TMCO6: variants seen among roughly 807,000 people sequenced by gnomAD.
TMCO6 encodes the protein transmembrane and coiled-coil domain-containing protein 6.
TMCO6 carries 47 observed loss-of-function variants against 61.8 expected under a neutral mutation model. The ratio of observed to expected loss-of-function variants is 0.76; its 90% CI spans 0.60 to 0.97. The LOEUF (loss-of-function observed/expected upper bound fraction) is 0.97. TMCO6 is among the 50% of genes least tolerant of loss of function. TMCO6 has a pLI of 0.00. For missense variants in TMCO6, 557 were observed against 601.6 expected (o/e 0.93, Z 0.78); for synonymous variants, 261 against 254.2 (o/e 1.03, Z -0.25).
the TMCO6 span, among the ~76,000 whole-genome samples, chr5:140,629,304 T>TA: frequency 2.4e-4 from 36 of 148,812 alleles, 1 homozygote; most frequent in South Asian, 2.1e-3. Flanking sequence ...CCCAAAAAAC[T>TA]AAAAAAAATA....
chr5:140,642,777 G>T (rs1757121690), intron 6 of TMCO6, 106 bp downstream of exon 6: 4 of 1,582,696 alleles, frequency 2.5e-6, no homozygotes, highest in Non-Finnish European at 3.5e-6. Flanking sequence ...TTAAATTCAT[G>T]TGTCTGGCTA....
chr5:140,646,301 G>T (rs543839584), downstream of TMCO6, among the ~76,000 whole-genome samples: 1 of 152,134 alleles, frequency 6.6e-6, no homozygotes, highest in South Asian at 2.1e-4. Context: ...GTGAACCACC[G>T]CACCCAGCTG....
chr5:140,629,822 A>G, the TMCO6 span, among the ~76,000 whole-genome samples: 2 of 151,618 alleles, frequency 1.3e-5, no homozygotes, highest in African/African-American at 2.4e-5. Context: ...AATCCCAGCT[A>G]CTTGGGAGGC....
At chr5:140,637,974 CCTTTCTTT>C (rs202156970), upstream of TMCO6, among the ~76,000 whole-genome samples, 402 of 150,520 alleles carry the variant, frequency 2.7e-3, 1 homozygote, top group African/African-American at 9.3e-3. Context: ...TTCTTTTCTC[CCTTTCTTT>C]CTTTCTTTCT....
At chr5:140,605,679 CAA>C in the TMCO6 span, among the ~76,000 whole-genome samples, 11 of 136,894 alleles carry the variant, frequency 8.0e-5, no homozygotes, top group African/African-American at 2.8e-4. Flanking sequence ...GACTCTGTCT[CAA>C]AAAAAAACAA....
At chr5:140,632,662 C>T in the TMCO6 span, 1 of 1,613,836 alleles carries the variant, frequency 6.2e-7, no homozygotes, top group Non-Finnish European at 8.5e-7. The surrounding 1 kb of genome is among the most constrained non-coding windows in gnomAD (Gnocchi z 6.2). Flanking sequence ...CGCAGGGCGC[C>T]TACCAGTAGC....
At chr5:140,631,878 T>TG in the TMCO6 span, 1 of 1,573,308 alleles carries the variant, frequency 6.4e-7, no homozygotes, top group South Asian at 1.2e-5. Flanking sequence ...CCGGGCCCCT[T>TG]GGAGCAGCAC....
the TMCO6 span, among the ~76,000 whole-genome samples, chr5:140,613,881 A>G: frequency 6.8e-6 from 1 of 147,856 alleles, no homozygotes; most frequent in African/African-American, 2.5e-5. Flanking sequence ...CTCATCTCTC[A>G]TCGTTTTTTT....
chr5:140,631,620 T>G, the TMCO6 span: 1 of 423,390 alleles, frequency 2.4e-6, no homozygotes, highest in Non-Finnish European at 4.2e-6. Flanking sequence ...AGATAGGGTT[T>G]CTTAGGGAGT....
At chr5:140,601,548 T>C in the TMCO6 span, among the ~76,000 whole-genome samples, 1 of 152,204 alleles carries the variant, frequency 6.6e-6, no homozygotes, top group African/African-American at 2.4e-5. Context: ...CCCATTCACG[T>C]CAGCCTTATT....
rs372797031 is a variant in TMCO6, at chr5:140,639,632, C to T, written c.85+20C>T. 700 of 1,539,222 alleles carry T rather than the reference C, an allele frequency of 4.5e-4. 2 individuals are homozygous for T. Among genetic ancestry groups the T allele is most frequent in the Non-Finnish European group, 3.6e-4 (416 of 1,140,652 alleles). On this transcript the variant is annotated intron_variant, in intron 1 of 11. Transcript: ENST00000394671. ...AGGCAGGTGTGGGCGGCCGAGGGAG[C>T]GCGGGGGTATATGGCGGTCGGGGAT...
At chr5:140,598,711 G>C in the TMCO6 span, among the ~76,000 whole-genome samples, 3 of 152,186 alleles carry the variant, frequency 2.0e-5, no homozygotes, top group Non-Finnish European at 4.4e-5. Flanking sequence ...AAGGCAGATG[G>C]ATCACCTGAG....
chr5:140,633,047 G>C, the TMCO6 span: 50 of 1,614,060 alleles, frequency 3.1e-5, no homozygotes, highest in Admixed American at 8.2e-4. Context: ...GCACGCGTTC[G>C]ACCCCAAGAC....
At chr5:140,631,764 A>T in the TMCO6 span, 2,620 of 1,186,312 alleles carry the variant, frequency 2.2e-3, 35 homozygotes, top group African/African-American at 0.035. Context: ...GGTGGGGCAA[A>T]GGGTTGAATT....
At chr5:140,632,128 C>A in the TMCO6 span, 6 of 1,614,058 alleles carry the variant, frequency 3.7e-6, no homozygotes, top group African/African-American at 8.0e-5. This position sits in a 1 kb window ranked among gnomAD's most constrained non-coding sequence, Gnocchi z 6.2. Flanking sequence ...TCCAGCCCAG[C>A]GAACGACAGA....
the TMCO6 span, among the ~76,000 whole-genome samples, chr5:140,603,836 C>T: frequency 1.3e-5 from 2 of 152,082 alleles, no homozygotes; most frequent in Admixed American, 6.5e-5. Flanking sequence ...TATATGTTTT[C>T]ATTTCTCTTG....
chr5:140,646,826 G>C (rs1472869433), downstream of TMCO6, among the ~76,000 whole-genome samples: 1 of 152,142 alleles, frequency 6.6e-6, no homozygotes, highest in Non-Finnish European at 1.5e-5. Flanking sequence ...GAGAAAAGAA[G>C]AACACGCTTC....
the TMCO6 span, among the ~76,000 whole-genome samples, chr5:140,621,263 C>A: frequency 3.2e-4 from 48 of 152,270 alleles, no homozygotes; most frequent in African/African-American, 1.2e-3. Context: ...AAGTCAGGGA[C>A]CCCAAATGGA....
At chr5:140,629,179 G>C in the TMCO6 span, among the ~76,000 whole-genome samples, 1 of 152,086 alleles carries the variant, frequency 6.6e-6, no homozygotes, top group Non-Finnish European at 1.5e-5. Context: ...TGAGGCAGGA[G>C]CATCACTTGA....
Sources: allele counts gnomAD v4.1 joint callset (sites outside exome capture counted in the v4.1 genomes callset), GRCh38; gene constraint gnomAD v4.1.1; non-coding constraint Gnocchi (gnomAD v3.1); transcripts MANE v1.5; gene names NCBI Gene and HGNC (gene_info 2026-07-23, HGNC 2026-07-21).